The following ZBTB20 variants were observed in gnomAD, a reference collection of about 807,000 sequenced individuals.
The protein encoded by ZBTB20 is zinc finger and BTB domain-containing protein 20.
In ZBTB20, 9 loss-of-function variants were observed where a neutral mutation model predicts 56.9. That is an observed-to-expected ratio of 0.16 (90% CI 0.10 to 0.28). The LOEUF is 0.28. Among genes scored for constraint, ZBTB20 ranks in the 10% least tolerant of loss-of-function variants. ZBTB20 has a pLI of 1.00. For missense variants in ZBTB20, 655 were observed against 1,003.0 expected, an observed-to-expected ratio of 0.65 and a Z score of 4.69; for synonymous variants, 417 against 420.7, an observed-to-expected ratio of 0.99 and a Z score of 0.11.
chr3:114,720,710 A>T (rs2064854596), intron 5 of ZBTB20, among the ~76,000 whole-genome samples: 1 of 152,106 alleles, frequency 6.6e-6, no homozygotes, highest in African/African-American at 2.4e-5. Flanking sequence ...TCCAATTCAG[A>T]CCATGTATTC....
At chr3:114,546,301 T>A (rs139382814) in intron 6 of ZBTB20, among the ~76,000 whole-genome samples, 183 of 152,276 alleles carry the variant, frequency 1.2e-3, no homozygotes, top group African/African-American at 4.2e-3. Flanking sequence ...ATTTGAATAT[T>A]ATAACAACAT....
intron 10 of ZBTB20, among the ~76,000 whole-genome samples, chr3:114,361,931 G>C (rs975120326): frequency 6.6e-6 from 1 of 152,210 alleles, no homozygotes; most frequent in African/African-American, 2.4e-5. Context: ...TAGTGCAGTA[G>C]TGCTGGCAGT....
At chr3:114,582,648 G>A (rs1006894800) in intron 6 of ZBTB20, among the ~76,000 whole-genome samples, 1 of 152,126 alleles carries the variant, frequency 6.6e-6, no homozygotes, top group Non-Finnish European at 1.5e-5. Flanking sequence ...CTAAAGTGCC[G>A]GGATTATAGG....
intron 10 of ZBTB20, among the ~76,000 whole-genome samples, chr3:114,376,329 A>T (rs2083625407): frequency 6.6e-6 from 1 of 152,224 alleles, no homozygotes; most frequent in South Asian, 2.1e-4. Context: ...ATCTGCTGTG[A>T]TGCCAGCACT....
At chr3:114,431,485 T>C (rs1241831578) in intron 7 of ZBTB20, among the ~76,000 whole-genome samples, 1 of 152,232 alleles carries the variant, frequency 6.6e-6, no homozygotes, top group Admixed American at 6.5e-5. Context: ...TTAAATGTAC[T>C]ACGACAGCTA....
At chr3:115,127,642 A>G (rs1032570829) in intron 1 of ZBTB20, among the ~76,000 whole-genome samples, 5 of 152,136 alleles carry the variant, frequency 3.3e-5, no homozygotes, top group African/African-American at 1.2e-4. Flanking sequence ...AAAAGAAAAA[A>G]GCAAAACCAC....
At chr3:114,705,952 C>A (rs1284783065) in intron 5 of ZBTB20, among the ~76,000 whole-genome samples, 2 of 152,172 alleles carry the variant, frequency 1.3e-5, no homozygotes, top group Non-Finnish European at 2.9e-5. Flanking sequence ...ATAAAAACAA[C>A]TTTCAGACAT....
At chr3:114,520,344 C>T (rs2046496492) in intron 6 of ZBTB20, among the ~76,000 whole-genome samples, 1 of 152,094 alleles carries the variant, frequency 6.6e-6, no homozygotes, top group Non-Finnish European at 1.5e-5. Context: ...TGACTCATTC[C>T]ATAGTTTCTT....
At chr3:114,773,559 T>C (rs1222289798) in intron 5 of ZBTB20, among the ~76,000 whole-genome samples, 1 of 152,164 alleles carries the variant, frequency 6.6e-6, no homozygotes, top group Non-Finnish European at 1.5e-5. Flanking sequence ...TCTACTCAAG[T>C]GCAAATTGTC....
intron 5 of ZBTB20, among the ~76,000 whole-genome samples, chr3:114,767,710 C>T (rs188898294): frequency 6.6e-6 from 1 of 152,116 alleles, no homozygotes; most frequent in Non-Finnish European, 1.5e-5. Flanking sequence ...CACTGGCTGG[C>T]CCTCTAATCT....
chr3:114,749,907 G>A (rs1015041502), intron 5 of ZBTB20, among the ~76,000 whole-genome samples: 4 of 152,182 alleles, frequency 2.6e-5, no homozygotes, highest in African/African-American at 9.6e-5. Flanking sequence ...ATACATGGCA[G>A]CCAAATCACC....
At chr3:115,054,745 G>T in intron 2 of ZBTB20, among the ~76,000 whole-genome samples, 1 of 152,036 alleles carries the variant, frequency 6.6e-6, no homozygotes, top group East Asian at 1.9e-4. Context: ...AACTAGGAAT[G>T]GCTCCCAGGT....
At chr3:114,730,086 C>T (rs1379643645) in intron 5 of ZBTB20, among the ~76,000 whole-genome samples, 3 of 151,224 alleles carry the variant, frequency 2.0e-5, no homozygotes, top group South Asian at 2.1e-4. Context: ...GTGTGAGCTA[C>T]TGTGTCTGGC....
intron 7 of ZBTB20, among the ~76,000 whole-genome samples, chr3:114,455,804 G>A (rs1431861617): frequency 6.6e-6 from 1 of 152,108 alleles, no homozygotes; most frequent in Non-Finnish European, 1.5e-5. Context: ...CAGTTAAAAT[G>A]GATTAATCTT....
intron 6 of ZBTB20, among the ~76,000 whole-genome samples, chr3:114,591,720 A>C (rs2055784480): frequency 6.6e-6 from 1 of 152,146 alleles, no homozygotes; most frequent in African/African-American, 2.4e-5. Flanking sequence ...ACTAACAATA[A>C]CTTTTATTTA....
rs114585706 is a variant in ZBTB20, at chr3:114,476,202, C to T, written c.-255+24150G>A. 2.2e-3 allele frequency among the ~76,000 whole-genome samples: 332 copies of T among 152,168 alleles called. 3 individuals carry two copies. The highest frequency in any genetic ancestry group is 7.6e-3 in the African/African-American group (316 of 41,488). On this transcript the variant is annotated intron_variant, in intron 7 of 11. Coordinates refer to ENST00000675478, the MANE Select transcript of ZBTB20 (RefSeq NM_001348800.3). ...TCAAAATTCTATCTAATAGATATGT[C>T]GTACTATACTTAACACAGCACTCTA...
chr3:114,462,526 T>C (rs1358963662), intron 7 of ZBTB20, among the ~76,000 whole-genome samples: 1 of 152,222 alleles, frequency 6.6e-6, no homozygotes, highest in Non-Finnish European at 1.5e-5. Context: ...AAGTGGCCCA[T>C]GATCTCTTGC....
At chr3:114,659,956 CTCTT>C (rs779287659) in intron 6 of ZBTB20, among the ~76,000 whole-genome samples, 11 of 152,000 alleles carry the variant, frequency 7.2e-5, no homozygotes, top group Admixed American at 1.3e-4. Context: ...GGAAATGATT[CTCTT>C]TGTCTTTTCT....
At chr3:115,123,456 A>G (rs2108650698) in intron 1 of ZBTB20, among the ~76,000 whole-genome samples, 1 of 152,344 alleles carries the variant, frequency 6.6e-6, no homozygotes, top group South Asian at 2.1e-4. Context: ...GCATTCTAGA[A>G]ACACAAAAGA....
Sources: gnomAD v4.1 joint callset for allele counts (sites outside exome capture counted in the v4.1 genomes callset) on GRCh38, gnomAD v4.1.1 for gene constraint, MANE v1.5 for transcripts, NCBI Gene and HGNC (gene_info 2026-07-23, HGNC 2026-07-21) for gene names.